The following AGAP1 variants were observed in gnomAD, a reference collection of about 807,000 sequenced individuals.
AGAP1 encodes the protein arf-GAP with GTPase, ANK repeat and PH domain-containing protein 1.
A neutral mutation model predicts 105.3 loss-of-function variants in AGAP1; 29 were observed. The ratio of observed to expected loss-of-function variants is 0.28; its 90% CI spans 0.21 to 0.38. The LOEUF is 0.38. AGAP1 is among the 10% of genes least tolerant of loss of function. The pLI, the probability that AGAP1 is intolerant of heterozygous loss-of-function variation, is 1.00. For missense variants in AGAP1, 998 were observed against 1,165.1 expected, an observed-to-expected ratio of 0.86 and a Z score of 2.09; for synonymous variants, 509 against 485.9, an observed-to-expected ratio of 1.05 and a Z score of -0.63.
At position 236,040,695 on chromosome 2, in the gene AGAP1, T is replaced by A; in HGVS notation, c.1801-56T>A. On this transcript the variant is annotated intron_variant, in intron 14 of 17. Transcript: ENST00000304032. This position sits in a 1 kb window ranked among gnomAD's most constrained non-coding sequence, Gnocchi z 5.6. ...GATCTTTCCCTGATGTTATCAGTGA[T>A]GTGCGTTTCTCCCGGGGTGCTTACG... The A allele has an allele frequency of 6.5e-7, 1 of 1,529,170 alleles. No homozygotes were observed. Among genetic ancestry groups the A allele is most frequent in the Non-Finnish European group, 9.0e-7 (1 of 1,106,204 alleles). 94.7% of individuals were successfully genotyped at this position (1,529,170 alleles called of 1,614,324 possible).
intron 1 of AGAP1, among the ~76,000 whole-genome samples, chr2:235,638,338 G>A (rs1046413363): frequency 6.6e-6 from 1 of 152,130 alleles, no homozygotes; most frequent in African/African-American, 2.4e-5. Context: ...CTTCGAACGG[G>A]AGCCTGGAGA....
intron 1 of AGAP1, among the ~76,000 whole-genome samples, chr2:235,536,742 G>C (rs982999668): frequency 3.9e-5 from 6 of 152,074 alleles, no homozygotes; most frequent in African/African-American, 1.4e-4. Context: ...CTTTGAGTCT[G>C]TTTGGCATCC....
At chr2:235,841,648 T>G (rs1287615600) in intron 9 of AGAP1, among the ~76,000 whole-genome samples, 3 of 152,206 alleles carry the variant, frequency 2.0e-5, no homozygotes, top group Non-Finnish European at 4.4e-5. Flanking sequence ...AGAAAAATTG[T>G]AGCTTATCAT....
At chr2:236,060,001 T>C (rs1411222819) in intron 16 of AGAP1, among the ~76,000 whole-genome samples, 3 of 152,034 alleles carry the variant, frequency 2.0e-5, no homozygotes, top group Non-Finnish European at 4.4e-5. Context: ...TGAGGTAGAA[T>C]AATCACTTGA....
intron 13 of AGAP1, among the ~76,000 whole-genome samples, chr2:236,032,920 A>T (rs2057268318): frequency 6.6e-6 from 1 of 152,194 alleles, no homozygotes; most frequent in Non-Finnish European, 1.5e-5. Flanking sequence ...TGTCCAGTAT[A>T]CGGAGAAGAC....
At chr2:236,029,208 A>G (rs2057148236) in intron 13 of AGAP1, among the ~76,000 whole-genome samples, 1 of 146,628 alleles carries the variant, frequency 6.8e-6, no homozygotes, top group Non-Finnish European at 1.5e-5. Flanking sequence ...TTACATATTT[A>G]TCAGTTCATT....
intron 12 of AGAP1, among the ~76,000 whole-genome samples, chr2:235,966,055 GA>G (rs2054377210): frequency 6.8e-6 from 1 of 147,162 alleles, no homozygotes; most frequent in Non-Finnish European, 1.5e-5. Context: ...GGATGGAGGA[GA>G]GGGGAGCCCG....
intron 13 of AGAP1, among the ~76,000 whole-genome samples, chr2:236,024,826 T>C (rs2057001858): frequency 6.6e-6 from 1 of 152,230 alleles, no homozygotes; most frequent in Non-Finnish European, 1.5e-5. Context: ...TTTGGAATAA[T>C]TGGGCAGGTT....
At chr2:235,643,165 G>A (rs556807163) in intron 1 of AGAP1, among the ~76,000 whole-genome samples, 1 of 152,168 alleles carries the variant, frequency 6.6e-6, no homozygotes, top group Admixed American at 6.5e-5. Context: ...AGGTGCAGTG[G>A]CTCGCACGTG....
intron 8 of AGAP1, among the ~76,000 whole-genome samples, chr2:235,800,730 T>C (rs1957458150): frequency 6.6e-6 from 1 of 151,936 alleles, no homozygotes; most frequent in Non-Finnish European, 1.5e-5. Context: ...ACAACAGGAG[T>C]ATGGGAGTGG....
At chr2:235,947,135 G>A (rs2053537071) in intron 12 of AGAP1, among the ~76,000 whole-genome samples, 1 of 152,100 alleles carries the variant, frequency 6.6e-6, no homozygotes, top group African/African-American at 2.4e-5. Context: ...ACATGGATCA[G>A]TTCTTTAGCG....
intron 10 of AGAP1, among the ~76,000 whole-genome samples, chr2:235,890,496 A>C (rs1285423759): frequency 6.6e-6 from 1 of 152,228 alleles, no homozygotes; most frequent in East Asian, 1.9e-4. Flanking sequence ...TAACAAGGAC[A>C]GCACCAGAGT....
rs557859247 is a variant in AGAP1 at position 235,631,020 on chromosome 2, G to A, written c.164-78159G>A. ...TTCTCTGGTAACTGTGAATCGTGTCGTAAAACGCGTCTTTGGCCTGTCAAA... is the reference window on the plus strand; with the variant it reads ...TTCTCTGGTAACTGTGAATCGTGTCATAAAACGCGTCTTTGGCCTGTCAAA... On this transcript the variant is annotated intron_variant, in intron 1 of 17. Coordinates refer to ENST00000304032, the MANE Select transcript of AGAP1 (RefSeq NM_001037131.3). This position sits in a 1 kb window ranked among gnomAD's most constrained non-coding sequence, Gnocchi z 5.4. Among the ~76,000 whole-genome samples the A allele has an allele frequency of 7.2e-5, 11 of 152,254 alleles. No homozygotes were observed. The South Asian group carries it at 1.2e-3, about 17-fold the overall frequency.
chr2:235,707,877 G>GC (rs1950632648), intron 1 of AGAP1, among the ~76,000 whole-genome samples: 1 of 151,066 alleles, frequency 6.6e-6, no homozygotes, highest in South Asian at 2.1e-4. Context: ...ATGCTCCCCA[G>GC]CATGTGACCT....
rs960656093 is a variant in AGAP1, at chr2:235,872,483, G to T, written c.1051-10862G>T. Among the ~76,000 whole-genome samples the T allele has an allele frequency of 2.0e-5, 3 of 152,094 alleles. No homozygotes were observed. Among genetic ancestry groups the T allele is most frequent in the Non-Finnish European group, 4.4e-5 (3 of 68,018 alleles). Reference sequence around the variant, plus strand: ...GTTATGCAGAATCAAAAAGACTTAGGATCACAGGGGCCATTGGCACTCACT... The same window carrying T: ...GTTATGCAGAATCAAAAAGACTTAGTATCACAGGGGCCATTGGCACTCACT... On this transcript the variant is annotated intron_variant, in intron 9 of 17. Transcript: ENST00000304032. This position sits in a 1 kb window ranked among gnomAD's most constrained non-coding sequence, Gnocchi z 4.5.
intron 9 of AGAP1, among the ~76,000 whole-genome samples, chr2:235,876,094 A>G (rs1215710973): frequency 2.0e-5 from 3 of 152,156 alleles, no homozygotes; most frequent in African/African-American, 7.2e-5. Context: ...TAATTTTCTC[A>G]TCTCCAATAG....
chr2:236,058,984 C>T lies in AGAP1; in HGVS notation c.2114+9703C>T, dbSNP rs1303312404. 6.6e-6 allele frequency among the ~76,000 whole-genome samples: 1 copy of T among 152,012 alleles called. No individual in the cohort carries two copies. The highest frequency in any genetic ancestry group is 6.6e-5 in the Admixed American group (1 of 15,256). ...TTTCAAGGCTGCAGTGGGCCACAATCGCACCACCACTTTCCAGCCTGGGGA... is the reference window on the plus strand; with the variant it reads ...TTTCAAGGCTGCAGTGGGCCACAATTGCACCACCACTTTCCAGCCTGGGGA... On this transcript the variant is annotated intron_variant, in intron 16 of 17. Transcript: ENST00000304032. The surrounding 1 kb of genome is among the most constrained non-coding windows in gnomAD (Gnocchi z 4.6).
intron 1 of AGAP1, among the ~76,000 whole-genome samples, chr2:235,638,702 G>C (rs1947092879): frequency 6.6e-6 from 1 of 152,198 alleles, no homozygotes; most frequent in Non-Finnish European, 1.5e-5. Context: ...TAATAGCGTG[G>C]TGTCCTGGAG....
In AGAP1 at chr2:236,124,212, G is replaced by A. The variant is rs1402426459; in HGVS notation, c.*90G>A. ...GAAGTCGCAGCACGTGAGTCCCGTC[G>A]CATCCCCTCCCTCTTCCTGGTGGCC... On this transcript the variant is annotated 3_prime_UTR_variant, in exon 18 of 18. Coordinates refer to ENST00000304032, the MANE Select transcript of AGAP1 (RefSeq NM_001037131.3). This position sits in a 1 kb window ranked among gnomAD's most constrained non-coding sequence, Gnocchi z 5.1. 13 of 1,391,070 alleles carry A rather than the reference G, an allele frequency of 9.3e-6. No homozygotes were observed. In the East Asian group the frequency reaches 1.2e-4, roughly 13 times the overall value. 86.2% of individuals were successfully genotyped at this position (1,391,070 alleles called of 1,614,324 possible).
Sources: allele counts gnomAD v4.1 joint callset (sites outside exome capture counted in the v4.1 genomes callset), GRCh38; gene constraint gnomAD v4.1.1; non-coding constraint Gnocchi (gnomAD v3.1); transcripts MANE v1.5; gene names NCBI Gene and HGNC (gene_info 2026-07-23, HGNC 2026-07-21).